The following SLC30A8 variants were observed in gnomAD, a reference collection of about 807,000 sequenced individuals.
The protein encoded by SLC30A8 is solute carrier family 30 member 8.
Under a neutral mutation model 36.9 loss-of-function variants are expected in SLC30A8, and 27 were observed. That is an observed-to-expected ratio of 0.73 (90% confidence interval 0.54 to 1.01). The LOEUF (loss-of-function observed/expected upper bound fraction) is 1.01, where lower values mean the gene tolerates loss of function less well. Ranked by LOEUF, SLC30A8 falls within the 50% of genes least tolerant of loss-of-function variation. The probability of loss-of-function intolerance (pLI) is 0.00; values close to 1 mark genes in which losing one functional copy is unlikely to be tolerated. For synonymous variants in SLC30A8, 164 were observed against 172.4 expected (o/e 0.95, Z 0.38); for missense variants, 439 against 452.0 (o/e 0.97, Z 0.26).
At chr8:117,146,530 G>T (rs1821901027) in intron 1 of SLC30A8, among the ~76,000 whole-genome samples, 1 of 152,170 alleles carries the variant, frequency 6.6e-6, no homozygotes, top group African/African-American at 2.4e-5. Context: ...TGATGTTGAT[G>T]TGTATTTGAA....
chr8:116,966,464 G>A (rs1321716451), intron 1 of SLC30A8, among the ~76,000 whole-genome samples: 1 of 152,112 alleles, frequency 6.6e-6, no homozygotes, highest in Non-Finnish European at 1.5e-5. Context: ...TGAGACAGAA[G>A]CAGGGAATGA....
chr8:117,043,881 AATT>A (rs1817465488), intron 2 of SLC30A8, among the ~76,000 whole-genome samples: 2 of 152,202 alleles, frequency 1.3e-5, no homozygotes, highest in Non-Finnish European at 2.9e-5. Flanking sequence ...TTAGTTCTGC[AATT>A]ATTTTATTCA....
intron 4 of SLC30A8, among the ~76,000 whole-genome samples, chr8:117,160,494 A>C (rs1007205359): frequency 6.6e-6 from 1 of 152,020 alleles, no homozygotes; most frequent in Non-Finnish European, 1.5e-5. Flanking sequence ...TCTCCAGCAC[A>C]TTTAAAGCTA....
Position 117,171,102 on chromosome 8 carries a change from G to C in SLC30A8, c.898G>C (p.Val300Leu). ...LILAVDGVLS[V>L]HSLHIWSLTM... ...TTTAGCAGTCGACGGGGTGCTGTCT[G>C]TGCACAGCCTGCACATCTGGTCTCT... Residue 300 changes from valine (V) to leucine (L), a missense_variant, in exon 7 of 8, where the codon GTG becomes CTG. Coordinates refer to ENST00000456015, the MANE Select transcript of SLC30A8 (RefSeq NM_173851.3). 5 of 1,613,304 alleles carry C rather than the reference G, an allele frequency of 3.1e-6. No individual in the cohort carries two copies. Among genetic ancestry groups the C allele is most frequent in the African/African-American group, 1.3e-5 (1 of 74,954 alleles).
chr8:117,114,623 G>C (rs1217328014), intron 2 of SLC30A8, among the ~76,000 whole-genome samples: 1 of 152,006 alleles, frequency 6.6e-6, no homozygotes, highest in Non-Finnish European at 1.5e-5. Flanking sequence ...AAAGGGTCTC[G>C]AGTTCCTACC....
upstream of SLC30A8, among the ~76,000 whole-genome samples, chr8:117,131,726 C>G (rs1440869647): frequency 6.6e-6 from 1 of 151,922 alleles, no homozygotes; most frequent in South Asian, 2.1e-4. Flanking sequence ...AAACATTTTA[C>G]TTAGACATGG....
upstream of SLC30A8, among the ~76,000 whole-genome samples, chr8:117,134,081 T>G (rs74468730): frequency 2.7e-3 from 408 of 152,092 alleles, 8 homozygotes; most frequent in East Asian, 0.062. Context: ...TCACTGCCTA[T>G]GACAATTGGC....
chr8:117,124,313 G>T (rs934450715), intron 2 of SLC30A8, among the ~76,000 whole-genome samples: 1 of 151,892 alleles, frequency 6.6e-6, no homozygotes, highest in Non-Finnish European at 1.5e-5. Context: ...AGTTGATGCT[G>T]CACAAACAAA....
At chr8:116,977,143 T>TTACCAC (rs1815065727) in intron 1 of SLC30A8, among the ~76,000 whole-genome samples, 1 of 106,674 alleles carries the variant, frequency 9.4e-6, no homozygotes, top group African/African-American at 5.0e-5. Context: ...TTTTCTTGCT[T>TTACCAC]TTTTTTTTTT....
chr8:117,089,754 A>G (rs1563588345), intron 2 of SLC30A8, among the ~76,000 whole-genome samples: 2 of 152,052 alleles, frequency 1.3e-5, no homozygotes, highest in Non-Finnish European at 2.9e-5. Context: ...ATGGGCTCCC[A>G]TTGCCCTTTC....
intron 1 of SLC30A8, among the ~76,000 whole-genome samples, chr8:117,010,376 G>A (rs1816306583): frequency 6.6e-6 from 1 of 152,160 alleles, no homozygotes; most frequent in Non-Finnish European, 1.5e-5. Flanking sequence ...ATACCCTCGG[G>A]TTAGAATCTG....
At chr8:117,172,485 G>T in intron 7 of SLC30A8, 51 bp from the exon 8 acceptor site, 3 of 1,612,326 alleles carry the variant, frequency 1.9e-6, no homozygotes, top group Non-Finnish European at 2.5e-6. Flanking sequence ...CAGAGCAGTC[G>T]CCCATGCGTG....
At chr8:116,964,238 A>G (rs1814524508) in intron 1 of SLC30A8, among the ~76,000 whole-genome samples, 1 of 152,194 alleles carries the variant, frequency 6.6e-6, no homozygotes, top group African/African-American at 2.4e-5. Flanking sequence ...ATCCTTTTGA[A>G]GTATGAGCAC....
intron 2 of SLC30A8, among the ~76,000 whole-genome samples, chr8:117,113,767 A>G (rs1232085842): frequency 2.0e-5 from 3 of 152,132 alleles, no homozygotes; most frequent in East Asian, 1.9e-4. Flanking sequence ...GGGCTTGTCT[A>G]CTTGGAAAAA....
At chr8:116,956,741 A>G (rs751535284) in intron 1 of SLC30A8, among the ~76,000 whole-genome samples, 2 of 152,228 alleles carry the variant, frequency 1.3e-5, no homozygotes, top group African/African-American at 2.4e-5. Flanking sequence ...GTTGAGTTCT[A>G]TTTTGAAACT....
chr8:117,144,576 TA>T (rs1821810983), intron 1 of SLC30A8, among the ~76,000 whole-genome samples: 1 of 152,178 alleles, frequency 6.6e-6, no homozygotes, highest in African/African-American at 2.4e-5. Context: ...TCCAATAATT[TA>T]AAAATATTAG....
intron 1 of SLC30A8, among the ~76,000 whole-genome samples, chr8:117,012,881 G>A (rs1016590583): frequency 2.6e-5 from 4 of 151,896 alleles, no homozygotes; most frequent in Non-Finnish European, 4.4e-5. Context: ...AGTAAACAGT[G>A]TTTTAATTAT....
chr8:116,970,550 C>A (rs1366255875), intron 1 of SLC30A8, among the ~76,000 whole-genome samples: 1 of 152,148 alleles, frequency 6.6e-6, no homozygotes, highest in African/African-American at 2.4e-5. Flanking sequence ...ACCAGCATCA[C>A]CAGAAACACA....
At chr8:117,101,319 G>A (rs1364797147) in intron 2 of SLC30A8, among the ~76,000 whole-genome samples, 1 of 152,014 alleles carries the variant, frequency 6.6e-6, no homozygotes, top group Non-Finnish European at 1.5e-5. Flanking sequence ...AAATAATTTT[G>A]GAGTCGTTGG....
Sources: allele counts gnomAD v4.1 joint callset (sites outside exome capture counted in the v4.1 genomes callset), GRCh38; gene constraint gnomAD v4.1.1; transcripts MANE v1.5; gene names NCBI Gene and HGNC (gene_info 2026-07-23, HGNC 2026-07-21).